Variants in DCHS2 observed in about 807,000 individuals in gnomAD.
The protein encoded by DCHS2 is protocadherin-23.
In DCHS2, 142 loss-of-function variants were observed where a neutral mutation model predicts 182.4. That is an observed-to-expected ratio of 0.78 (90% CI 0.68 to 0.89). DCHS2 has a LOEUF of 0.89. Among genes scored for constraint, DCHS2 ranks in the 40% least tolerant of loss-of-function variants. DCHS2 has a pLI of 0.00. For missense variants in DCHS2, 4,319 were observed against 4,198.6 expected, an observed-to-expected ratio of 1.03 and a Z score of -0.79; for synonymous variants, 1,740 against 1,663.3, an observed-to-expected ratio of 1.05 and a Z score of -1.12.
intron 1 of DCHS2, among the ~76,000 whole-genome samples, chr4:154,481,189 A>G (rs1735905394): frequency 6.6e-6 from 1 of 152,214 alleles, no homozygotes; most frequent in South Asian, 2.1e-4. Flanking sequence ...ATCTATTGAG[A>G]TCATATCTCT....
chr4:154,391,116 G>T, intron 1 of DCHS2: 1 of 1,517,074 alleles, frequency 6.6e-7, no homozygotes, highest in Non-Finnish European at 9.0e-7. Flanking sequence ...TTTAGCAGAA[G>T]GAACAGACTT....
chr4:154,373,009 T>C (rs1019716385), intron 2 of DCHS2, among the ~76,000 whole-genome samples: 5 of 152,192 alleles, frequency 3.3e-5, no homozygotes, highest in Non-Finnish European at 5.9e-5. Flanking sequence ...TCAGGACATT[T>C]ATTACAAAGA....
chr4:154,455,882 G>A (rs984784288), intron 1 of DCHS2, among the ~76,000 whole-genome samples: 1 of 152,118 alleles, frequency 6.6e-6, no homozygotes, highest in African/African-American at 2.4e-5. Flanking sequence ...TTGAGGCCAG[G>A]AGTTCGAGCC....
At chr4:154,390,094 T>TC (rs1731619308) in intron 1 of DCHS2, among the ~76,000 whole-genome samples, 1 of 151,546 alleles carries the variant, frequency 6.6e-6, no homozygotes, top group Admixed American at 6.6e-5. Flanking sequence ...TTTTTTTTTA[T>TC]TTTTTTAAAT....
intron 1 of DCHS2, among the ~76,000 whole-genome samples, chr4:154,419,367 G>A (rs1733001331): frequency 6.6e-6 from 1 of 152,154 alleles, no homozygotes; most frequent in South Asian, 2.1e-4. Context: ...TACATTGTGT[G>A]AAAAATGAGA....
intron 10 of DCHS2, among the ~76,000 whole-genome samples, chr4:154,309,316 C>A (rs1303179643): frequency 1.3e-5 from 2 of 152,132 alleles, no homozygotes; most frequent in African/African-American, 4.8e-5. Context: ...CTAGGGTTTG[C>A]CACAAAAGGA....
At chr4:154,306,780 T>C (rs1055112459) in intron 10 of DCHS2, among the ~76,000 whole-genome samples, 23 of 152,148 alleles carry the variant, frequency 1.5e-4, no homozygotes, top group African/African-American at 5.5e-4. Flanking sequence ...TATTATAGAA[T>C]GCTATATATT....
At chr4:154,427,981 G>A (rs893747588) in intron 1 of DCHS2, among the ~76,000 whole-genome samples, 4 of 152,244 alleles carry the variant, frequency 2.6e-5, no homozygotes, top group African/African-American at 9.6e-5. Context: ...GGAGAGAAGT[G>A]CATATGAAGG....
intron 18 of DCHS2, 123 bp downstream of exon 18, chr4:154,240,414 C>T: frequency 8.3e-7 from 1 of 1,199,552 alleles, no homozygotes; most frequent in Non-Finnish European, 1.2e-6. Flanking sequence ...GCAGCGTTAA[C>T]TTAGGCACTA....
At chr4:154,396,160 C>T (rs1731920767) in intron 1 of DCHS2, among the ~76,000 whole-genome samples, 1 of 150,290 alleles carries the variant, frequency 6.7e-6, no homozygotes, top group South Asian at 2.1e-4. Context: ...AAATGTAAGT[C>T]TTATGTCTTC....
chr4:154,451,477 T>C (rs1157581581), intron 1 of DCHS2, among the ~76,000 whole-genome samples: 1 of 152,108 alleles, frequency 6.6e-6, no homozygotes, highest in African/African-American at 2.4e-5. Context: ...GCACTGAAGG[T>C]ACAAGTAAGT....
chr4:154,372,400 GC>G (rs1199790400), intron 2 of DCHS2, among the ~76,000 whole-genome samples: 1 of 152,214 alleles, frequency 6.6e-6, no homozygotes, highest in East Asian at 1.9e-4. Context: ...AACTTCAGTA[GC>G]CAACTTTTCT....
chr4:154,318,267 C>A (rs1735932699), intron 9 of DCHS2, among the ~76,000 whole-genome samples: 2 of 150,564 alleles, frequency 1.3e-5, no homozygotes, highest in African/African-American at 4.9e-5. Flanking sequence ...ATAAGTTAAA[C>A]AACAGAAGAA....
In DCHS2 at chr4:154,329,424, CAA is replaced by C. The variant is rs1736420679; in HGVS notation, c.3918+97_3918+98del. The C allele has an allele frequency of 1.5e-5, 19 of 1,242,578 alleles. No individual in the cohort carries two copies. The Middle Eastern group carries it at 1.6e-3, about 102-fold the overall frequency. The allele number at this position is 1,242,578 out of a possible 1,614,324, so 77.0% of individuals were successfully genotyped here. A position where few individuals can be genotyped will look rare whatever the true frequency, so the allele number is the denominator to read the frequency against. On this transcript the variant is annotated intron_variant, in intron 6 of 19. Coordinates refer to ENST00000357232, the MANE Select transcript of DCHS2 (RefSeq NM_001358235.2). ...CTAGAAAAAGTATGCTTTGCCACAC[CAA>C]GACTGATGTGATAAATTCACAGGTT...
chr4:154,270,759 G>C (rs958829433), intron 13 of DCHS2, among the ~76,000 whole-genome samples: 8 of 151,610 alleles, frequency 5.3e-5, no homozygotes, highest in African/African-American at 1.5e-4. Context: ...GGAGAGACAT[G>C]GACAGATTAA....
chr4:154,335,166 AG>A, intron 3 of DCHS2, 62 bp from the exon 4 acceptor site: 1 of 1,047,018 alleles, frequency 9.6e-7, no homozygotes, highest in Non-Finnish European at 1.5e-6. Flanking sequence ...GATGAGCAAT[AG>A]TAACACCTGG....
In DCHS2 at chr4:154,354,014, C is replaced by T. The variant is rs547988981; in HGVS notation, c.2476+12196G>A. Among the ~76,000 whole-genome samples the T allele has an allele frequency of 5.3e-5, 8 of 152,270 alleles. No individual in the cohort carries two copies. In the South Asian group the frequency reaches 1.2e-3, roughly 24 times the overall value. The stretch of plus-strand genomic sequence containing the variant: ...TGATCTCAGCTCACTGCACCCTCCG[C>T]GTCCTGGGCTCAAGCAATCCTTCCA... On this transcript the variant is annotated intron_variant, in intron 3 of 19. Transcript: ENST00000357232.
At chr4:154,359,542 G>A (rs1383147867) in intron 3 of DCHS2, among the ~76,000 whole-genome samples, 8 of 151,904 alleles carry the variant, frequency 5.3e-5, no homozygotes, top group Admixed American at 4.6e-4. Context: ...TAAAAGTGAG[G>A]TTCTCTCACA....
At chr4:154,260,224 C>G (rs530486797) in intron 14 of DCHS2, among the ~76,000 whole-genome samples, 1 of 152,312 alleles carries the variant, frequency 6.6e-6, no homozygotes, top group Non-Finnish European at 1.5e-5. Context: ...CCCCACCGAC[C>G]CGGGTCATTG....
Sources: allele counts gnomAD v4.1 joint callset (sites outside exome capture counted in the v4.1 genomes callset), GRCh38; gene constraint gnomAD v4.1.1; transcripts MANE v1.5; gene names NCBI Gene and HGNC (gene_info 2026-07-23, HGNC 2026-07-21).